Variants in IGSF9B observed in about 807,000 individuals in gnomAD.
IGSF9B encodes the protein protein turtle homolog B.
In IGSF9B, 48 loss-of-function variants were observed where a neutral mutation model predicts 143.7. That is an observed-to-expected ratio of 0.33 (90% confidence interval 0.26 to 0.42). The LOEUF is 0.42. Among genes scored for constraint, IGSF9B ranks in the 20% least tolerant of loss-of-function variants. The pLI is 1.00. For synonymous variants in IGSF9B, 903 were observed against 833.1 expected (o/e 1.08, Z -1.44); for missense variants, 1,706 against 1,980.0 (o/e 0.86, Z 2.63).
At position 133,920,274 on chromosome 11, in the gene IGSF9B, C is replaced by T. The variant is rs768462205; in HGVS notation, c.3451G>A (p.Glu1151Lys). 2.0e-6 allele frequency: 3 copies of T among 1,520,798 alleles called. No individual in the cohort carries two copies. The highest frequency in any genetic ancestry group is 2.2e-5 in the Admixed American group (1 of 44,940). 94.2% of individuals were successfully genotyped at this position (1,520,798 alleles called of 1,614,324 possible). A position where few individuals can be genotyped will look rare whatever the true frequency, so the allele number is the denominator to read the frequency against. Residue 1151 changes from glutamate (E) to lysine (K), a missense_variant, in exon 18 of 20, where the codon GAG (glutamate) becomes AAG (lysine). By Grantham distance (56) the Glu-to-Lys change is moderately conservative (BLOSUM62 1). Transcript: ENST00000533871. Reference sequence around the variant, plus strand: ...CCGTGCGCCCCCGGCTCAGCCGGCTCGGGGTAAGGCAGCACAGGTATGCCC... The same window carrying T: ...CCGTGCGCCCCCGGCTCAGCCGGCTTGGGGTAAGGCAGCACAGGTATGCCC... ...GMGIPVLPYP[E>K]PAEPGAHGGP...
In IGSF9B at chr11:133,902,582, A is replaced by ACCC. The variant is rs1704304318; in HGVS notation, c.*6486_*6487insGGG. Among the ~76,000 whole-genome samples, 4 of 151,500 alleles carry ACCC rather than the reference A, an allele frequency of 2.6e-5. No individual in the cohort carries two copies. Among genetic ancestry groups the ACCC allele is most frequent in the African/African-American group, 7.3e-5 (3 of 41,168 alleles). The stretch of plus-strand genomic sequence containing the variant: ...ACACACACACCCCACACACACACAC[A>ACCC]CACACCCCACTTACTTCCTGAATCC... On this transcript the variant is annotated 3_prime_UTR_variant, in exon 20 of 20. Coordinates refer to ENST00000533871, the MANE Select transcript of IGSF9B (RefSeq NM_001277285.4).
Position 133,920,983 on chromosome 11 carries a change from A to G in IGSF9B, c.2742T>C (p.Pro914=). 1 of 1,610,844 alleles carries G rather than the reference A, an allele frequency of 6.2e-7. No individual in the cohort carries two copies. The change falls in exon 18 of 20, where the codon CCT becomes CCC. Residue 914 remains proline (P), a synonymous_variant. Transcript: ENST00000533871. ...SVAALKSQLT[P]LSSSQESYLP... is the part of the protein sequence containing the mutation. ...GGTAGGACTCCTGGCTGGATGACAG[A>G]GGGGTGAGCTGGGACTTCAGGGCGG...
At chr11:133,943,433 G>T (rs1292034853) in intron 3 of IGSF9B, among the ~76,000 whole-genome samples, 1 of 152,072 alleles carries the variant, frequency 6.6e-6, no homozygotes. Context: ...ACAAAGAGGA[G>T]ACTCTCCCTC....
chr11:133,939,674 G>A (rs933033170), intron 3 of IGSF9B, among the ~76,000 whole-genome samples: 4 of 152,266 alleles, frequency 2.6e-5, no homozygotes, highest in Non-Finnish European at 5.9e-5. Flanking sequence ...CAGCAGGGGC[G>A]CACGGAGGGT....
chr11:133,921,735 G>A (rs1215787977), intron 17 of IGSF9B, among the ~76,000 whole-genome samples: 5 of 151,834 alleles, frequency 3.3e-5, no homozygotes, highest in Admixed American at 6.6e-5. Context: ...GTGAACACCC[G>A]CCTCTTCACT....
intron 1 of IGSF9B, 101 bp downstream of exon 1, chr11:133,956,590 T>TG: frequency 1.3e-6 from 1 of 774,838 alleles, no homozygotes; most frequent in Non-Finnish European, 2.1e-6. Flanking sequence ...GCCGGGGAGC[T>TG]GGGGAACCGG....
rs753788252 is a variant in IGSF9B at position 133,929,723 on chromosome 11, C to A, written c.1579G>T (p.Val527Leu). The A allele has an allele frequency of 1.2e-6, 2 of 1,613,812 alleles. No homozygotes were observed. The highest frequency in any genetic ancestry group is 1.7e-5 in the Admixed American group (1 of 60,008). The change falls in exon 12 of 20, where the codon GTG (valine) becomes TTG (leucine). Residue 527 changes from valine to leucine, a missense_variant. By Grantham distance (32) the Val-to-Leu change is conservative. Coordinates refer to ENST00000533871, the MANE Select transcript of IGSF9B (RefSeq NM_001277285.4). Reference protein sequence around the residue: ...RVQVSMTTANVSWEPGYDGGY... With the variant: ...RVQVSMTTANLSWEPGYDGGY... ...CCATCATAGCCTGGTTCCCAGGACACGTTGGCAGTTGTCATGGAGACCTGG... is the reference window on the plus strand; with the variant it reads ...CCATCATAGCCTGGTTCCCAGGACAAGTTGGCAGTTGTCATGGAGACCTGG...
rs551805650 is a variant in IGSF9B, at chr11:133,927,040, C to T, written c.1683G>A (p.Pro561=). The change falls in exon 13 of 20, where the codon CCG becomes CCA. Residue 561 remains proline (P), a synonymous_variant. Coordinates refer to ENST00000533871, the MANE Select transcript of IGSF9B (RefSeq NM_001277285.4). ...GPHDWLSLPV[P]PGPSWLLVDT... ...CCACCAGCAGCCAGCTGGGTCCTGGCGGCACTGGCAAGGACAGCCAGTCAT... is the reference window on the plus strand; with the variant it reads ...CCACCAGCAGCCAGCTGGGTCCTGGTGGCACTGGCAAGGACAGCCAGTCAT... 1.7e-5 allele frequency: 27 copies of T among 1,564,640 alleles called. No individual in the cohort carries two copies. In the Admixed American group the frequency reaches 1.9e-4, roughly 11 times the overall value.
At chr11:133,951,306 AGAGC>A (rs1940154745) in intron 1 of IGSF9B, among the ~76,000 whole-genome samples, 1 of 152,216 alleles carries the variant, frequency 6.6e-6, no homozygotes, top group South Asian at 2.1e-4. Context: ...ACAGCACCTC[AGAGC>A]ATTTCCACCC....
rs147721977 is a variant in IGSF9B at position 133,953,299 on chromosome 11, G to A, written c.64+3392C>T. Among the ~76,000 whole-genome samples, 75 of 152,268 alleles carry A rather than the reference G, an allele frequency of 4.9e-4. No individual in the cohort carries two copies. The East Asian group carries it at 0.01, about 21-fold the overall frequency. Reference sequence around the variant, plus strand: ...AGCACATGCAGGGCCACAGGCCCGCGGCTGAAAGCTGATTGCCCTCTGCCC... The same window carrying A: ...AGCACATGCAGGGCCACAGGCCCGCAGCTGAAAGCTGATTGCCCTCTGCCC... On this transcript the variant is annotated intron_variant, in intron 1 of 19. Transcript: ENST00000533871. This position sits in a 1 kb window ranked among gnomAD's most constrained non-coding sequence, Gnocchi z 4.2.
chr11:133,927,231 G>A (rs2121303348), intron 12 of IGSF9B, 140 bp from the exon 13 acceptor site: 1 of 675,570 alleles, frequency 1.5e-6, no homozygotes, highest in Non-Finnish European at 2.5e-6. Context: ...AAGAGGGCAT[G>A]GCCCAGAGTG....
chr11:133,919,687 GGGT>G, intron 18 of IGSF9B, 52 bp downstream of exon 18: 1 of 1,140,108 alleles, frequency 8.8e-7, no homozygotes, highest in Non-Finnish European at 1.2e-6. Flanking sequence ...AGGGCGAGGC[GGGT>G]GGGGGAAGGA....
intron 14 of IGSF9B, 97 bp from the exon 15 acceptor site, chr11:133,925,001 G>A: frequency 1.0e-6 from 1 of 994,376 alleles, no homozygotes; most frequent in Non-Finnish European, 1.6e-6. Context: ...CAAAGGGCAG[G>A]GCACCCAAAG....
rs562650499 is a variant in IGSF9B at position 133,915,491 on chromosome 11, G to A, written c.3984-3484C>T. Among the ~76,000 whole-genome samples, 79 of 152,028 alleles carry A rather than the reference G, an allele frequency of 5.2e-4. 1 individual carries two copies. In the South Asian group the frequency reaches 8.5e-3, roughly 16 times the overall value. ...TCACTATGTTGCCCAGGCTGGCCTT[G>A]AACTCCTGGACTCAAGAGATCTGCC... On this transcript the variant is annotated intron_variant, in intron 18 of 19. Coordinates refer to ENST00000533871, the MANE Select transcript of IGSF9B (RefSeq NM_001277285.4).
At position 133,919,813 on chromosome 11, in the gene IGSF9B, C is replaced by T. The variant is rs1233430994; in HGVS notation, c.3912G>A (p.Thr1304=). The change falls in exon 18 of 20, where the codon ACG becomes ACA. Residue 1304 remains threonine, a synonymous_variant. Coordinates refer to ENST00000533871, the MANE Select transcript of IGSF9B (RefSeq NM_001277285.4). ...CCTCCCCCGTCCTTCGAGGGGAAGG[C>T]GTCTGTCCAAACACGTCCAAGCTGT... ...PGDSLDVFGQ[T]PSPRRTGEEL... is the part of the protein sequence containing the mutation. The T allele has an allele frequency of 1.3e-6, 2 of 1,526,304 alleles. No homozygotes were observed. Among genetic ancestry groups the T allele is most frequent in the Non-Finnish European group, 8.8e-7 (1 of 1,136,392 alleles). 94.5% of individuals were successfully genotyped at this position (1,526,304 alleles called of 1,614,324 possible).
rs1431221471 is a variant in IGSF9B at position 133,956,740 on chromosome 11, C to T, written c.15G>A (p.Val5=). 1.3e-6 allele frequency: 2 copies of T among 1,540,838 alleles called. No homozygotes were observed. Among genetic ancestry groups the T allele is most frequent in the East Asian group, 2.7e-5 (1 of 37,026 alleles). Residue 5 remains valine, a synonymous_variant, in exon 1 of 20, where the codon GTG becomes GTA. Coordinates refer to ENST00000533871, the MANE Select transcript of IGSF9B (RefSeq NM_001277285.4). Reference sequence around the variant, plus strand: ...CGATCACACTTGCTATGAAAGTGGCCACATACCAAATCATAGTACTACCGC... The same window carrying T: ...CGATCACACTTGCTATGAAAGTGGCTACATACCAAATCATAGTACTACCGC... MIWY[V]ATFIASVIGT... is the part of the protein sequence containing the mutation.
chr11:133,928,524 C>G lies in IGSF9B; in HGVS notation c.1631+1147G>C, dbSNP rs1939669469. On this transcript the variant is annotated intron_variant, in intron 12 of 19. Transcript: ENST00000533871. The surrounding 1 kb of genome is among the most constrained non-coding windows in gnomAD (Gnocchi z 4.7). ...GAGCTGCCCCAGGTGCCTGCCTTTT[C>G]CCCCTCCCCTCGAGCTCCCCCTCCT... 1.3e-5 allele frequency among the ~76,000 whole-genome samples: 2 copies of G among 152,152 alleles called. No individual in the cohort carries two copies. The highest frequency in any genetic ancestry group is 1.5e-5 in the Non-Finnish European group (1 of 68,026).
At chr11:133,918,034 C>G (rs1390339108) in intron 18 of IGSF9B, among the ~76,000 whole-genome samples, 1 of 73,010 alleles carries the variant, frequency 1.4e-5, no homozygotes, top group Non-Finnish European at 2.6e-5. Context: ...CTAGAGGGGC[C>G]GGACATGGGG....
chr11:133,922,863 C>T, intron 15 of IGSF9B, 133 bp from the exon 16 acceptor site: 7 of 789,106 alleles, frequency 8.9e-6, no homozygotes, highest in Non-Finnish European at 1.4e-5. Flanking sequence ...CCAAGCTGAA[C>T]TCTAGCACTG....
Sources: gnomAD v4.1 joint callset for allele counts (sites outside exome capture counted in the v4.1 genomes callset) on GRCh38, gnomAD v4.1.1 for gene constraint, Gnocchi (gnomAD v3.1) non-coding constraint, MANE v1.5 for transcripts, NCBI Gene and HGNC (gene_info 2026-07-23, HGNC 2026-07-21) for gene names.